Variants in CNOT4 observed in about 807,000 individuals in gnomAD.
CNOT4 encodes the protein CCR4-associated factor 4.
Under a neutral mutation model 73.8 loss-of-function variants are expected in CNOT4, and 8 were observed. The observed-to-expected ratio is 0.11, with a 90% CI of 0.06 to 0.20. The LOEUF is 0.20. CNOT4 is among the 10% of genes least tolerant of loss of function. CNOT4 has a pLI of 1.00. For missense variants in CNOT4, 564 were observed against 883.4 expected, an observed-to-expected ratio of 0.64 and a Z score of 4.58; for synonymous variants, 293 against 321.1, an observed-to-expected ratio of 0.91 and a Z score of 0.94.
At chr7:135,448,620 C>T (rs1356496604) in intron 1 of CNOT4, among the ~76,000 whole-genome samples, 1 of 151,872 alleles carries the variant, frequency 6.6e-6, no homozygotes. Context: ...AAGGACACTA[C>T]CTGCAAGAGC....
chr7:135,442,930 G>A (rs1170419367), intron 1 of CNOT4, among the ~76,000 whole-genome samples: 1 of 151,928 alleles, frequency 6.6e-6, no homozygotes, highest in Non-Finnish European at 1.5e-5. Flanking sequence ...ATGGTGTTGT[G>A]TGCCTGTGGT....
intron 1 of CNOT4, among the ~76,000 whole-genome samples, chr7:135,494,805 T>C (rs1489000205): frequency 1.3e-5 from 2 of 152,178 alleles, no homozygotes; most frequent in Non-Finnish European, 2.9e-5. Context: ...CAAAGTTTTC[T>C]CCAATAACAT....
At chr7:135,437,879 C>T (rs2129485311) in intron 2 of CNOT4, among the ~76,000 whole-genome samples, 2 of 152,246 alleles carry the variant, frequency 1.3e-5, no homozygotes, top group South Asian at 4.1e-4. Flanking sequence ...CATCCCTGAC[C>T]ATGTCTTTCT....
At chr7:135,458,831 G>A (rs919320388) in intron 1 of CNOT4, among the ~76,000 whole-genome samples, 3 of 151,952 alleles carry the variant, frequency 2.0e-5, no homozygotes, top group Non-Finnish European at 4.4e-5. Context: ...TTCCCACGAT[G>A]AAGTCTTAAA....
At chr7:135,387,543 C>T in intron 10 of CNOT4, 2 of 967,474 alleles carry the variant, frequency 2.1e-6, no homozygotes, top group East Asian at 1.2e-4. Flanking sequence ...TTCACATTAT[C>T]CCCTTTCATA....
chr7:135,445,663 T>C (rs1799779792), intron 1 of CNOT4, among the ~76,000 whole-genome samples: 1 of 152,188 alleles, frequency 6.6e-6, no homozygotes, highest in Non-Finnish European at 1.5e-5. Context: ...TAAATTGTTA[T>C]TTTCGCACAA....
At chr7:135,471,448 C>A (rs1801569495) in intron 1 of CNOT4, among the ~76,000 whole-genome samples, 1 of 151,924 alleles carries the variant, frequency 6.6e-6, no homozygotes, top group Admixed American at 6.6e-5. Flanking sequence ...GTGACACATG[C>A]CTAAAAGTAG....
chr7:135,385,360 AC>A (rs1435445485), intron 10 of CNOT4, among the ~76,000 whole-genome samples: 4 of 152,196 alleles, frequency 2.6e-5, no homozygotes, highest in Non-Finnish European at 5.9e-5. Context: ...TTTCAAAGCA[AC>A]TGCAATTTGT....
At chr7:135,455,343 A>G (rs1183011090) in intron 1 of CNOT4, among the ~76,000 whole-genome samples, 1 of 152,108 alleles carries the variant, frequency 6.6e-6, no homozygotes, top group Non-Finnish European at 1.5e-5. Flanking sequence ...AACCAATTCA[A>G]CCAACTCAAA....
At chr7:135,414,255 T>C in intron 5 of CNOT4, 76 bp downstream of exon 5, 1 of 639,728 alleles carries the variant, frequency 1.6e-6, no homozygotes, top group Non-Finnish European at 2.8e-6. Context: ...ATATAAATGC[T>C]CAGTTCTCCT....
intron 2 of CNOT4, among the ~76,000 whole-genome samples, chr7:135,430,547 A>T (rs915864578): frequency 6.6e-6 from 1 of 152,144 alleles, no homozygotes; most frequent in South Asian, 2.1e-4. Context: ...TGGTAGGCTG[A>T]AGCAGGAGAA....
chr7:135,445,025 T>G (rs1799734136), intron 1 of CNOT4: 8 of 809,816 alleles, frequency 9.9e-6, no homozygotes, highest in Non-Finnish European at 1.7e-5. Flanking sequence ...AAATAACAGA[T>G]AAGTCTGTTG....
intron 1 of CNOT4, among the ~76,000 whole-genome samples, chr7:135,439,093 C>A (rs1199331604): frequency 6.6e-6 from 1 of 152,094 alleles, no homozygotes; most frequent in Non-Finnish European, 1.5e-5. Context: ...ATCACAAACA[C>A]TTTTTGAAAA....
intron 1 of CNOT4, among the ~76,000 whole-genome samples, chr7:135,442,756 GA>G (rs898771625): frequency 1.3e-5 from 2 of 151,586 alleles, no homozygotes; most frequent in Admixed American, 6.6e-5. Flanking sequence ...ATTTGGCAGG[GA>G]AAAAAAATAT....
chr7:135,482,416 T>A (rs564105521), intron 1 of CNOT4, among the ~76,000 whole-genome samples: 1 of 151,680 alleles, frequency 6.6e-6, no homozygotes, highest in South Asian at 2.1e-4. Context: ...ATCGGTCAGG[T>A]GTGGTGGTAC....
chr7:135,504,484 T>TTTATTTTTA (rs1554447780), intron 1 of CNOT4, among the ~76,000 whole-genome samples: 1 of 67,034 alleles, frequency 1.5e-5, no homozygotes, highest in African/African-American at 7.2e-5. Flanking sequence ...TTTTTTTTTT[T>TTTATTTTTA]TTTTTATTTT....
intron 2 of CNOT4, among the ~76,000 whole-genome samples, chr7:135,436,540 T>C (rs1799166895): frequency 6.6e-6 from 1 of 151,850 alleles, no homozygotes; most frequent in South Asian, 2.1e-4. Flanking sequence ...AACAAAAATT[T>C]ATATAGATTT....
intron 1 of CNOT4, among the ~76,000 whole-genome samples, chr7:135,505,527 G>A (rs1242713117): frequency 6.6e-6 from 1 of 152,152 alleles, no homozygotes; most frequent in Non-Finnish European, 1.5e-5. Flanking sequence ...ACTCCAGCCT[G>A]GGTGACAGAG....
At chr7:135,406,835 C>G (rs1020799271) in intron 7 of CNOT4, among the ~76,000 whole-genome samples, 3 of 151,890 alleles carry the variant, frequency 2.0e-5, no homozygotes, top group Admixed American at 6.6e-5. Context: ...TATGGACTAC[C>G]TGACTATACT....
Sources: gnomAD v4.1 joint callset for allele counts (sites outside exome capture counted in the v4.1 genomes callset) on GRCh38, gnomAD v4.1.1 for gene constraint, MANE v1.5 for transcripts, NCBI Gene and HGNC (gene_info 2026-07-23, HGNC 2026-07-21) for gene names.